CCDC12: variants seen among roughly 807,000 people sequenced by gnomAD.
The protein encoded by CCDC12 is coiled-coil domain-containing protein 12.
In CCDC12, 28 loss-of-function variants were observed where a neutral mutation model predicts 25.7. The ratio of observed to expected loss-of-function variants is 1.09; its 90% confidence interval spans 0.81 to 1.50. The LOEUF (loss-of-function observed/expected upper bound fraction) is 1.50. Ranked by LOEUF, CCDC12 falls within the 40% of genes most tolerant of loss-of-function variation. The pLI, the probability that CCDC12 is intolerant of heterozygous loss-of-function variation, is 0.00. For synonymous variants in CCDC12, 75 were observed against 87.7 expected (o/e 0.86, Z 0.81); for missense variants, 198 against 210.0 (o/e 0.94, Z 0.35).
chr3:46,962,520 C>G (rs1250193918), intron 1 of CCDC12, among the ~76,000 whole-genome samples: 1 of 149,290 alleles, frequency 6.7e-6, no homozygotes, highest in Admixed American at 6.7e-5. Context: ...ACATCACATA[C>G]ACAGAACAAA....
At chr3:46,948,534 C>A (rs1483137367) in intron 1 of CCDC12, among the ~76,000 whole-genome samples, 1 of 152,196 alleles carries the variant, frequency 6.6e-6, no homozygotes, top group Non-Finnish European at 1.5e-5. Flanking sequence ...AAGGTGGTGG[C>A]ACTTAGGGGA....
At chr3:46,937,307 A>G (rs141641806) in intron 2 of CCDC12, among the ~76,000 whole-genome samples, 1 of 152,298 alleles carries the variant, frequency 6.6e-6, no homozygotes, top group African/African-American at 2.4e-5. Context: ...TCCAGACTTA[A>G]AAGGTATGTT....
intron 1 of CCDC12, among the ~76,000 whole-genome samples, chr3:46,942,565 T>C (rs1247642437): frequency 6.6e-5 from 10 of 152,230 alleles, no homozygotes; most frequent in Non-Finnish European, 1.5e-4. Flanking sequence ...ATCTGCTTTA[T>C]GTGGAGACTG....
At chr3:46,957,334 C>T (rs1039564664) in intron 1 of CCDC12, among the ~76,000 whole-genome samples, 1 of 152,124 alleles carries the variant, frequency 6.6e-6, no homozygotes, top group Admixed American at 6.5e-5. Flanking sequence ...CCTCATTGAG[C>T]CATTTTCCAT....
At chr3:46,978,070 C>T (rs922238211), upstream of CCDC12, among the ~76,000 whole-genome samples, 8 of 152,246 alleles carry the variant, frequency 5.3e-5, no homozygotes, top group Admixed American at 5.2e-4. Context: ...GCTGTTCCCT[C>T]CCTGAGTCTT....
chr3:46,975,973 G>T (rs916009696), intron 1 of CCDC12: 3 of 149,494 alleles, frequency 2.0e-5, no homozygotes, highest in Non-Finnish European at 4.4e-5. Flanking sequence ...AGCCTCCCGA[G>T]AAGCTGGGAT....
At chr3:46,976,225 G>T in intron 1 of CCDC12, 1 of 783,794 alleles carries the variant, frequency 1.3e-6, no homozygotes, top group Non-Finnish European at 1.6e-6. Flanking sequence ...GAGTGCTGCC[G>T]GACTGGGGAG....
rs1250482383 is a variant in CCDC12, at chr3:46,967,580, TC to T, written c.96+9056del. On this transcript the variant is annotated intron_variant, in intron 1 of 6. Transcript: ENST00000683445. ...TCCCAGCCTGGGCAGCTGCACAGCC[TC>T]TCCCCAACACACACACCACATTCCC... 2.0e-5 allele frequency among the ~76,000 whole-genome samples: 3 copies of T among 152,220 alleles called. No homozygotes were observed. In the East Asian group the frequency reaches 5.8e-4, roughly 29 times the overall value.
At chr3:46,964,033 A>G (rs1363982451) in intron 1 of CCDC12, among the ~76,000 whole-genome samples, 2 of 139,870 alleles carry the variant, frequency 1.4e-5, no homozygotes, top group Non-Finnish European at 3.1e-5. Flanking sequence ...CCGGCCACCC[A>G]TCGTCTGAGA....
At chr3:46,930,009 C>A (rs1307632916) in intron 2 of CCDC12, among the ~76,000 whole-genome samples, 4 of 113,890 alleles carry the variant, frequency 3.5e-5, no homozygotes, top group African/African-American at 1.4e-4. Context: ...CCAGCCTGGG[C>A]GAGAACAGCA....
intron 1 of CCDC12, among the ~76,000 whole-genome samples, chr3:46,968,312 A>G (rs1459320605): frequency 2.7e-5 from 4 of 150,436 alleles, no homozygotes; most frequent in African/African-American, 7.3e-5. Context: ...AGGATGAGTA[A>G]AGCCAGGGTG....
At chr3:46,931,510 C>A (rs1465023089) in intron 2 of CCDC12, among the ~76,000 whole-genome samples, 1 of 152,244 alleles carries the variant, frequency 6.6e-6, no homozygotes, top group Non-Finnish European at 1.5e-5. Flanking sequence ...TGGTCCACTT[C>A]ACTCACTCAT....
At chr3:46,981,045 T>A (rs918215730), upstream of CCDC12, among the ~76,000 whole-genome samples, 1 of 152,174 alleles carries the variant, frequency 6.6e-6, no homozygotes, top group Non-Finnish European at 1.5e-5. Context: ...GCTCAGGTTG[T>A]GAGAGGTCCA....
intron 1 of CCDC12, among the ~76,000 whole-genome samples, chr3:46,963,161 C>T (rs1377382852): frequency 1.3e-5 from 2 of 152,168 alleles, no homozygotes; most frequent in Non-Finnish European, 2.9e-5. Flanking sequence ...AGTGGTTCCC[C>T]TTGAAGAGTG....
intron 2 of CCDC12, among the ~76,000 whole-genome samples, chr3:46,938,262 C>A (rs1432380037): frequency 1.3e-5 from 2 of 152,200 alleles, no homozygotes; most frequent in Non-Finnish European, 2.9e-5. Context: ...CAGAGCAGGT[C>A]TTGTGCTCCA....
intron 1 of CCDC12, among the ~76,000 whole-genome samples, chr3:46,952,071 A>G (rs1421579646): frequency 1.3e-5 from 2 of 151,756 alleles, no homozygotes; most frequent in Non-Finnish European, 2.9e-5. Flanking sequence ...CATCCCAGAC[A>G]TATGATTCTA....
chr3:46,962,434 C>CAAAAAAAAAAA (rs33969115), intron 1 of CCDC12, among the ~76,000 whole-genome samples: 1 of 63,176 alleles, frequency 1.6e-5, no homozygotes, highest in African/African-American at 6.5e-5. Context: ...AACTCTATCT[C>CAAAAAAAAAAA]AAAAAAAAAA....
Position 46,939,993 on chromosome 3 carries a change from G to A in CCDC12, c.164+1005C>T, listed in dbSNP as rs1322179211. Among the ~76,000 whole-genome samples, 4 of 152,180 alleles carry A rather than the reference G, an allele frequency of 2.6e-5. No individual in the cohort carries two copies. In the South Asian group the frequency reaches 8.3e-4, roughly 32 times the overall value. ...CCCATCAAGATCTACACCCCCCTGT[G>A]CCTGAAGGAAGCTGCTCAGAGCAAA... On this transcript the variant is annotated intron_variant, in intron 2 of 6. Transcript: ENST00000683445.
intron 1 of CCDC12, among the ~76,000 whole-genome samples, chr3:46,969,956 G>A (rs917137829): frequency 9.5e-5 from 14 of 147,412 alleles, no homozygotes; most frequent in African/African-American, 3.3e-4. Flanking sequence ...GGGCTGGGGT[G>A]CAGTGACGTG....
Sources: allele counts gnomAD v4.1 joint callset (sites outside exome capture counted in the v4.1 genomes callset), GRCh38; gene constraint gnomAD v4.1.1; transcripts MANE v1.5; gene names NCBI Gene and HGNC (gene_info 2026-07-23, HGNC 2026-07-21).